The following CD46 variants were observed in gnomAD, a reference collection of about 807,000 sequenced individuals.
The protein encoded by CD46 is membrane cofactor protein.
In CD46, 30 loss-of-function variants were observed where a neutral mutation model predicts 53.3. The observed-to-expected ratio is 0.56, with a 90% confidence interval of 0.42 to 0.76. CD46 has a LOEUF of 0.76. CD46 is among the 30% of genes least tolerant of loss of function. The pLI is 0.00. For synonymous variants in CD46, 142 were observed against 152.0 expected, an observed-to-expected ratio of 0.93 and a Z score of 0.48; for missense variants, 409 against 463.0, an observed-to-expected ratio of 0.88 and a Z score of 1.07.
At chr1:207,767,661 C>T in intron 6 of CD46, 118 bp from the exon 7 acceptor site, 4 of 1,610,858 alleles carry the variant, frequency 2.5e-6, no homozygotes, top group Non-Finnish European at 3.4e-6. Flanking sequence ...GGTTTAGTAG[C>T]TTCTTCCTTA....
intron 2 of CD46, 136 bp downstream of exon 2, chr1:207,757,338 C>A: frequency 2.1e-6 from 2 of 933,626 alleles, no homozygotes; most frequent in Non-Finnish European, 3.4e-6. Flanking sequence ...TTTTTGCAAG[C>A]TTTGAGAAAT....
chr1:207,787,271 C>T (rs1465268439), intron 11 of CD46, among the ~76,000 whole-genome samples: 1 of 152,140 alleles, frequency 6.6e-6, no homozygotes, highest in African/African-American at 2.4e-5. Flanking sequence ...GGGGTTTCAC[C>T]ATGTTGGTCA....
At chr1:207,783,573 T>G (rs554142664) in intron 9 of CD46, 39 of 336,166 alleles carry the variant, frequency 1.2e-4, no homozygotes, top group Admixed American at 5.8e-4. Flanking sequence ...ACATGAACCT[T>G]AAAGCAATCT....
Position 207,794,147 on chromosome 1 carries a change from T to C in CD46, c.*670T>C. 1 of 154,612 alleles carries C rather than the reference T, an allele frequency of 6.5e-6. No homozygotes were observed. The highest frequency in any genetic ancestry group is 1.4e-5 in the Non-Finnish European group (1 of 69,510). The allele number at this position is 154,612 out of a possible 1,614,324, so 9.6% of individuals were successfully genotyped here. On this transcript the variant is annotated 3_prime_UTR_variant, in exon 13 of 13. Transcript: ENST00000367042. ...CCAAGAATATTATTGGAAAATTCTC[T>C]AAAAGTTAATAGGGTAAATTCTCTA...
At position 207,783,274 on chromosome 1, in the gene CD46, T is replaced by A. The variant is rs1173761896; in HGVS notation, c.944-18T>A. 11 of 1,349,354 alleles carry A rather than the reference T, an allele frequency of 8.2e-6. No homozygotes were observed. The highest frequency in any genetic ancestry group is 1.2e-5 in the Non-Finnish European group (11 of 941,862). The allele number at this position is 1,349,354 out of a possible 1,614,324, so 83.6% of individuals were successfully genotyped here. On this transcript the variant is annotated intron_variant, in intron 8 of 12. Transcript: ENST00000367042. ...CCTTCTTTTATTAATTTAATCTATA[T>A]TTCTTCTTTTTTCCTAGGATATCCT...
At chr1:207,791,540 C>T (rs1209332578) in intron 12 of CD46, among the ~76,000 whole-genome samples, 26 of 152,238 alleles carry the variant, frequency 1.7e-4, no homozygotes, top group Non-Finnish European at 8.8e-5. Context: ...ATTTATATCC[C>T]GGGAGGGATG....
At chr1:207,790,724 A>G (rs1357880053) in intron 12 of CD46, among the ~76,000 whole-genome samples, 1 of 152,248 alleles carries the variant, frequency 6.6e-6, no homozygotes. Context: ...AGAAACCAAA[A>G]TATATTTTAC....
chr1:207,785,044 A>G, intron 9 of CD46, 27 bp from the exon 10 acceptor site: 2 of 1,600,696 alleles, frequency 1.2e-6, no homozygotes, highest in South Asian at 1.1e-5. Context: ...CATGTGTTCA[A>G]CATCTTGGAA....
Position 207,793,508 on chromosome 1 carries a change from T to C in CD46, c.*42-11T>C, listed in dbSNP as rs763237733. 1 of 1,603,502 alleles carries C rather than the reference T, an allele frequency of 6.2e-7. No individual in the cohort carries two copies. Among genetic ancestry groups the C allele is most frequent in the Non-Finnish European group, 8.5e-7 (1 of 1,170,324 alleles). On this transcript the variant is annotated splice_polypyrimidine_tract_variant and intron_variant, in intron 12 of 12. Transcript: ENST00000367042. ...TTATCTTTGACATGATCTTTATACC[T>C]TGGTTTGCAGGAAAGCAGATGGTGG...
intron 10 of CD46, among the ~76,000 whole-genome samples, 189 bp from the exon 11 acceptor site, chr1:207,785,430 T>C (rs1659180416): frequency 6.6e-6 from 1 of 152,212 alleles, no homozygotes; most frequent in Non-Finnish European, 1.5e-5. Context: ...TGACTTACTA[T>C]GGACTGTGTA....
chr1:207,752,155 C>T lies in CD46; in HGVS notation c.-58C>T. On this transcript the variant is annotated 5_prime_UTR_variant, in exon 1 of 13. Coordinates refer to ENST00000367042, the MANE Select transcript of CD46 (RefSeq NM_172351.3). This position sits in a 1 kb window ranked among gnomAD's most constrained non-coding sequence, Gnocchi z 4.1. ...ACCCAGAAGGGACTTCCCTGCTCGG[C>T]TGGCTCTCGGTTTCTCTGCTTTCCT... is the stretch of plus-strand genomic sequence containing the variant. 1 of 1,514,890 alleles carries T rather than the reference C, an allele frequency of 6.6e-7. No homozygotes were observed. Among genetic ancestry groups the T allele is most frequent in the Non-Finnish European group, 9.1e-7 (1 of 1,095,028 alleles). 93.8% of individuals were successfully genotyped at this position (1,514,890 alleles called of 1,614,324 possible). A position where few individuals can be genotyped will look rare whatever the true frequency, so the allele number is the denominator to read the frequency against.
intron 11 of CD46, 43 bp from the exon 12 acceptor site, chr1:207,790,210 G>A (rs1571702030): frequency 1.0e-6 from 1 of 992,862 alleles, no homozygotes. Context: ...TTTTTGGTTT[G>A]AAGTCACTAT....
intron 4 of CD46, chr1:207,760,014 G>C (rs1041481918): frequency 3.6e-6 from 1 of 280,446 alleles, no homozygotes; most frequent in South Asian, 4.3e-5. Context: ...TCCAGTAGCT[G>C]GGGCTTCAGG....
intron 12 of CD46, among the ~76,000 whole-genome samples, chr1:207,790,602 C>A (rs1014595985): frequency 6.6e-6 from 1 of 152,194 alleles, no homozygotes; most frequent in Admixed American, 6.5e-5. Flanking sequence ...GACGATCTCA[C>A]TTCTACCTTG....
Position 207,761,457 on chromosome 1 carries a change from A to C in CD46, c.673+11A>C, listed in dbSNP as rs761455417. On this transcript the variant is annotated intron_variant, in intron 5 of 12. Transcript: ENST00000367042. ...CTCCAGAGTGTAAAGGTAGTGTTTC[A>C]ATTTATTTCCTTCTTCATTTGTAAA... The C allele has an allele frequency of 3.7e-6, 6 of 1,603,392 alleles. No individual in the cohort carries two copies. In the South Asian group the frequency reaches 6.6e-5, roughly 18 times the overall value.
chr1:207,786,625 T>A (rs181417209), intron 11 of CD46, among the ~76,000 whole-genome samples: 72 of 152,334 alleles, frequency 4.7e-4, no homozygotes, highest in African/African-American at 1.6e-3. Flanking sequence ...CTAATAATTT[T>A]AAGACTTTTG....
At chr1:207,767,331 G>C in intron 6 of CD46, 136 bp downstream of exon 6, 2 of 821,864 alleles carry the variant, frequency 2.4e-6, no homozygotes, top group Non-Finnish European at 4.1e-6. Context: ...ACTCTGTCTT[G>C]TATTCATTTC....
chr1:207,756,865 G>A, intron 1 of CD46, 149 bp from the exon 2 acceptor site: 1 of 689,626 alleles, frequency 1.5e-6, no homozygotes, highest in Admixed American at 2.2e-5. Context: ...ACTGCTATGA[G>A]CACTCAGGTA....
intron 8 of CD46, among the ~76,000 whole-genome samples, chr1:207,777,579 A>C (rs1360483793): frequency 6.6e-6 from 1 of 152,078 alleles, no homozygotes; most frequent in Non-Finnish European, 1.5e-5. Context: ...ATAAGTGAGA[A>C]CATGCGGTAT....
Sources: gnomAD v4.1 joint callset for allele counts (sites outside exome capture counted in the v4.1 genomes callset) on GRCh38, gnomAD v4.1.1 for gene constraint, Gnocchi (gnomAD v3.1) non-coding constraint, MANE v1.5 for transcripts, NCBI Gene and HGNC (gene_info 2026-07-23, HGNC 2026-07-21) for gene names.